Variants in ADORA2B observed in about 807,000 individuals in gnomAD.
ADORA2B encodes adenosine receptor A2b.
ADORA2B carries 18 observed loss-of-function variants against 20.8 expected under a neutral mutation model. That is an observed-to-expected ratio of 0.87 (90% CI 0.60 to 1.29). The LOEUF (loss-of-function observed/expected upper bound fraction) is 1.29, where lower values mean the gene tolerates loss of function less well. Among genes scored for constraint, ADORA2B ranks in the 50% most tolerant of loss-of-function variants. ADORA2B has a pLI of 0.00. For synonymous variants in ADORA2B, 179 were observed against 178.3 expected, an observed-to-expected ratio of 1.00 and a Z score of -0.03; for missense variants, 441 against 422.7, an observed-to-expected ratio of 1.04 and a Z score of -0.38.
the ADORA2B span, among the ~76,000 whole-genome samples, chr17:15,853,861 G>A: frequency 6.6e-6 from 1 of 152,004 alleles, no homozygotes; most frequent in African/African-American, 2.4e-5. Flanking sequence ...TAAAAGACAG[G>A]AAAATTAAAA....
the ADORA2B span, among the ~76,000 whole-genome samples, chr17:15,923,506 A>C: frequency 6.6e-6 from 1 of 150,988 alleles, no homozygotes; most frequent in African/African-American, 2.4e-5. Flanking sequence ...CTGGGTTCAC[A>C]CTATTCTCCT....
At chr17:15,888,879 T>TTC in the ADORA2B span, among the ~76,000 whole-genome samples, 3 of 75,266 alleles carry the variant, frequency 4.0e-5, 1 homozygote, top group Non-Finnish European at 7.4e-5. Flanking sequence ...TTTTTTTTTT[T>TTC]CGAGACAGAG....
Position 15,975,075 on chromosome 17 carries a change from C to T in ADORA2B, c.732C>T (p.Ala244=), listed in dbSNP as rs1236834753. Residue 244 remains alanine, a synonymous_variant, in exon 2 of 2, where the codon GCC becomes GCT. Transcript: ENST00000304222. ...TGGCCATGATTGTGGGGATTTTTGC[C>T]CTGTGCTGGTTACCTGTGCATGCTG... ...KSLAMIVGIF[A]LCWLPVHAVN... is the part of the protein sequence containing the mutation. 1.2e-6 allele frequency: 2 copies of T among 1,614,112 alleles called. No homozygotes were observed. The highest frequency in any genetic ancestry group is 1.6e-4 in the Middle Eastern group (1 of 6,062).
In ADORA2B at chr17:15,975,277, C is replaced by T. The variant is rs768633790; in HGVS notation, c.934C>T (p.Gln312Ter). ...AATTATCTCCAGGTATCTTCTCTGC[C>T]AAGCAGATGTCAAGAGTGGGAATGG... ...HKIISRYLLC[Q>*]ADVKSGNGQA... The change falls in exon 2 of 2, where the codon CAA becomes TAA. Residue 312 changes from glutamine (Q) to a stop codon, truncating the protein, a stop_gained. Transcript: ENST00000304222. LOFTEE classifies it high-confidence loss of function. The T allele has an allele frequency of 6.2e-7, 1 of 1,613,614 alleles. No homozygotes were observed. Among genetic ancestry groups the T allele is most frequent in the Non-Finnish European group, 8.5e-7 (1 of 1,180,022 alleles).
the ADORA2B span, among the ~76,000 whole-genome samples, chr17:15,861,727 AC>A: frequency 6.6e-6 from 1 of 152,106 alleles, no homozygotes; most frequent in Admixed American, 6.5e-5. Flanking sequence ...TTGCTGCCAC[AC>A]CTCTGTCACC....
chr17:15,864,400 C>T, the ADORA2B span, among the ~76,000 whole-genome samples: 12 of 152,066 alleles, frequency 7.9e-5, no homozygotes, highest in Admixed American at 2.6e-4. Context: ...AAAGTGTTAC[C>T]GATCATGGGT....
Position 15,964,877 on chromosome 17 carries a change from C to T in ADORA2B, c.336-9802C>T, listed in dbSNP as rs144428850. On this transcript the variant is annotated intron_variant, in intron 1 of 1. Coordinates refer to ENST00000304222, the MANE Select transcript of ADORA2B (RefSeq NM_000676.4). ...GAGATCGAGACCATCCTGGCTAACA[C>T]GGTGAAACCCCGTCTCTACTAAAAA... 8.7e-3 allele frequency among the ~76,000 whole-genome samples: 1,318 copies of T among 151,920 alleles called. 10 individuals are homozygous for T. Among genetic ancestry groups the T allele is most frequent in the African/African-American group, 0.017 (702 of 41,430 alleles).
At chr17:15,933,848 T>A in the ADORA2B span, among the ~76,000 whole-genome samples, 2 of 152,164 alleles carry the variant, frequency 1.3e-5, no homozygotes, top group Non-Finnish European at 2.9e-5. Context: ...TTTTTTAATT[T>A]TTTCTTTTGG....
At chr17:15,923,393 A>G in the ADORA2B span, among the ~76,000 whole-genome samples, 28 of 119,402 alleles carry the variant, frequency 2.3e-4, no homozygotes, top group East Asian at 1.2e-3. Context: ...GTGTGTGTAT[A>G]TATATATATA....
the ADORA2B span, among the ~76,000 whole-genome samples, chr17:15,926,149 A>AT: frequency 2.0e-4 from 30 of 152,108 alleles, no homozygotes; most frequent in African/African-American, 6.8e-4. Context: ...TCAGCCTCGC[A>AT]TTTCTGAGCA....
At chr17:15,905,793 C>T in the ADORA2B span, among the ~76,000 whole-genome samples, 1 of 152,074 alleles carries the variant, frequency 6.6e-6, no homozygotes, top group African/African-American at 2.4e-5. Context: ...GTAGCTGAGA[C>T]TATAGGGACG....
the ADORA2B span, among the ~76,000 whole-genome samples, chr17:15,905,796 T>C: frequency 6.6e-6 from 1 of 152,020 alleles, no homozygotes; most frequent in Admixed American, 6.6e-5. Flanking sequence ...GCTGAGACTA[T>C]AGGGACGTGC....
chr17:15,974,327 A>G (rs1453459808), intron 1 of ADORA2B: 1 of 197,436 alleles, frequency 5.1e-6, no homozygotes, highest in Non-Finnish European at 1.0e-5. Context: ...AATATAAACA[A>G]GAGTTAACTT....
the ADORA2B span, among the ~76,000 whole-genome samples, chr17:15,886,415 G>T: frequency 7.7e-6 from 1 of 130,012 alleles, no homozygotes; most frequent in Non-Finnish European, 1.6e-5. Flanking sequence ...GGAAATGTTT[G>T]TGTGGACTCT....
the ADORA2B span, among the ~76,000 whole-genome samples, chr17:15,914,745 A>G: frequency 6.6e-6 from 1 of 152,244 alleles, no homozygotes; most frequent in Non-Finnish European, 1.5e-5. Context: ...TCTAATGCTC[A>G]GCGCATCCCT....
the ADORA2B span, among the ~76,000 whole-genome samples, chr17:15,926,938 T>C: frequency 6.6e-6 from 1 of 152,006 alleles, no homozygotes; most frequent in Non-Finnish European, 1.5e-5. Context: ...ATCTCTGCAT[T>C]CCAGCCTCGG....
chr17:15,867,833 G>T, the ADORA2B span, among the ~76,000 whole-genome samples: 4 of 148,840 alleles, frequency 2.7e-5, no homozygotes, highest in East Asian at 7.8e-4. Flanking sequence ...GGGAAGTGAG[G>T]AGCCCCTCTG....
chr17:15,904,661 C>T, the ADORA2B span, among the ~76,000 whole-genome samples: 2 of 152,202 alleles, frequency 1.3e-5, no homozygotes, highest in South Asian at 4.1e-4. Flanking sequence ...CAGGCGTGAG[C>T]CACCGCGCCC....
chr17:15,885,993 T>TG, the ADORA2B span, among the ~76,000 whole-genome samples: 1 of 152,238 alleles, frequency 6.6e-6, no homozygotes, highest in South Asian at 2.1e-4. Flanking sequence ...AGCTCAGTTC[T>TG]TAGCGTGGCC....
Sources: gnomAD v4.1 joint callset for allele counts (sites outside exome capture counted in the v4.1 genomes callset) on GRCh38, gnomAD v4.1.1 for gene constraint, MANE v1.5 for transcripts, NCBI Gene and HGNC (gene_info 2026-07-23, HGNC 2026-07-21) for gene names.